HDAC9: variants seen among roughly 807,000 people sequenced by gnomAD.
HDAC9 encodes the protein MEF-2 interacting transcription repressor (MITR) protein.
HDAC9 carries 41 observed loss-of-function variants against 139.4 expected under a neutral mutation model. The observed-to-expected ratio is 0.29, with a 90% CI of 0.23 to 0.38. HDAC9 has a LOEUF of 0.38. HDAC9 is among the 10% of genes least tolerant of loss of function. The pLI is 1.00. For synonymous variants in HDAC9, 517 were observed against 476.2 expected (o/e 1.09, Z -1.12); for missense variants, 1,147 against 1,297.0 (o/e 0.88, Z 1.78).
intron 11 of HDAC9, among the ~76,000 whole-genome samples, chr7:18,661,520 G>A (rs1188993456): frequency 1.3e-5 from 2 of 151,890 alleles, no homozygotes; most frequent in Non-Finnish European, 2.9e-5. Flanking sequence ...AAAAGTTCTA[G>A]GTTTCTACTC....
chr7:18,946,866 T>A (rs2129318952), intron 23 of HDAC9, among the ~76,000 whole-genome samples: 1 of 152,200 alleles, frequency 6.6e-6, no homozygotes, highest in East Asian at 1.9e-4. Flanking sequence ...ATATCATTCT[T>A]TTCAAGGACA....
Position 18,970,932 on chromosome 7 carries a change from T to G in HDAC9, c.3023-4874T>G, listed in dbSNP as rs542168803. Among the ~76,000 whole-genome samples the G allele has an allele frequency of 2.0e-5, 3 of 152,306 alleles. No homozygotes were observed. In the South Asian group the frequency reaches 6.2e-4, roughly 32 times the overall value. Reference sequence around the variant, plus strand: ...AAGGGGTTTGAATTGAGAAAACTTTTGGTAGATAGGTGACTTGTGTAACAC... The same window carrying G: ...AAGGGGTTTGAATTGAGAAAACTTTGGGTAGATAGGTGACTTGTGTAACAC... On this transcript the variant is annotated intron_variant, in intron 24 of 25. Coordinates refer to ENST00000686413, the MANE Select transcript of HDAC9 (RefSeq NM_178425.4).
At chr7:18,856,440 C>A (rs1218918430) in intron 21 of HDAC9, among the ~76,000 whole-genome samples, 1 of 152,128 alleles carries the variant, frequency 6.6e-6, no homozygotes, top group Non-Finnish European at 1.5e-5. Flanking sequence ...TATCTCTCCA[C>A]CACTCATGGC....
At chr7:18,326,915 C>A (rs1027467111) in intron 1 of HDAC9, among the ~76,000 whole-genome samples, 1 of 151,902 alleles carries the variant, frequency 6.6e-6, no homozygotes, top group Non-Finnish European at 1.5e-5. Context: ...TAAACATGAA[C>A]CTTTCCCCTG....
At chr7:18,227,118 A>AT (rs1234800453) in intron 2 of HDAC9, among the ~76,000 whole-genome samples, 1 of 152,218 alleles carries the variant, frequency 6.6e-6, no homozygotes, top group Admixed American at 6.5e-5. Flanking sequence ...GTGCATACAC[A>AT]TAAGTCTTTC....
intron 1 of HDAC9, among the ~76,000 whole-genome samples, chr7:18,476,266 C>A (rs1795104654): frequency 6.6e-6 from 1 of 152,202 alleles, no homozygotes; most frequent in Middle Eastern, 3.4e-3. Context: ...AAATTCACAT[C>A]AGTAATGCCC....
intron 17 of HDAC9, among the ~76,000 whole-genome samples, chr7:18,826,736 A>T (rs976222967): frequency 6.6e-6 from 1 of 151,014 alleles, no homozygotes; most frequent in South Asian, 2.1e-4. Flanking sequence ...CTTAACATGA[A>T]CTCTAGAGTC....
chr7:18,780,463 C>T (rs1791152377), intron 16 of HDAC9, among the ~76,000 whole-genome samples: 1 of 151,982 alleles, frequency 6.6e-6, no homozygotes, highest in Non-Finnish European at 1.5e-5. Context: ...TGATGCATGA[C>T]AACAGAGATC....
chr7:18,950,690 A>G lies in HDAC9; in HGVS notation c.2938-3456A>G, dbSNP rs112340391. Among the ~76,000 whole-genome samples the G allele has an allele frequency of 4.6e-5, 7 of 152,124 alleles. 1 individual carries two copies. Among genetic ancestry groups the G allele is most frequent in the African/African-American group, 1.7e-4 (7 of 41,560 alleles). ...GAATATTTGTGGGGGAAAGGGCCAT[A>G]GGAGGGGAAGAAATTTGCTCTAGTG... On this transcript the variant is annotated intron_variant, in intron 23 of 25. Coordinates refer to ENST00000686413, the MANE Select transcript of HDAC9 (RefSeq NM_178425.4).
At chr7:18,386,654 T>C (rs1464295849) in intron 1 of HDAC9, among the ~76,000 whole-genome samples, 1 of 152,194 alleles carries the variant, frequency 6.6e-6, no homozygotes, top group Non-Finnish European at 1.5e-5. Context: ...CAGTCCCTTT[T>C]GTGCAGCCTA....
chr7:18,416,178 C>G (rs1789042111), intron 1 of HDAC9, among the ~76,000 whole-genome samples: 1 of 151,984 alleles, frequency 6.6e-6, no homozygotes, highest in Non-Finnish European at 1.5e-5. Context: ...TGCCTGTAAT[C>G]CCAGCTACTC....
chr7:18,361,967 G>C (rs1448868583), intron 1 of HDAC9, among the ~76,000 whole-genome samples: 1 of 152,216 alleles, frequency 6.6e-6, no homozygotes, highest in East Asian at 1.9e-4. Flanking sequence ...GGAATTTCTT[G>C]GTTCAAGGAC....
intron 12 of HDAC9, among the ~76,000 whole-genome samples, chr7:18,700,682 A>G (rs975454541): frequency 1.1e-4 from 17 of 152,192 alleles, no homozygotes; most frequent in African/African-American, 4.1e-4. Context: ...CTACTCTGCT[A>G]GGTCTAGGCT....
At chr7:18,094,974 C>T (rs946101130) in intron 1 of HDAC9, among the ~76,000 whole-genome samples, 2 of 152,206 alleles carry the variant, frequency 1.3e-5, no homozygotes, top group Non-Finnish European at 1.5e-5. Context: ...TCTTAAGTCT[C>T]GTTCTATAGC....
Position 18,935,790 on chromosome 7 carries a change from TC to T in HDAC9, c.2804-18del. Reference sequence around the variant, plus strand: ...CTCTTGATTTAATACTTTGAAATGTTCTGTTTGTATTATGGTAGGTTTTGGT... The same window carrying T: ...CTCTTGATTTAATACTTTGAAATGTTTGTTTGTATTATGGTAGGTTTTGGT... On this transcript the variant is annotated intron_variant, in intron 22 of 25. Coordinates refer to ENST00000686413, the MANE Select transcript of HDAC9 (RefSeq NM_178425.4). 6.2e-7 allele frequency: 1 copy of T among 1,608,246 alleles called. No homozygotes were observed. Among genetic ancestry groups the T allele is most frequent in the South Asian group, 1.1e-5 (1 of 90,620 alleles).
chr7:18,591,083 T>G (rs893535796), intron 4 of HDAC9, among the ~76,000 whole-genome samples: 1 of 152,164 alleles, frequency 6.6e-6, no homozygotes, highest in Non-Finnish European at 1.5e-5. Context: ...TTTTAAAAAC[T>G]AAGGTTTTCA....
At chr7:18,493,133 T>C, upstream of HDAC9, among the ~76,000 whole-genome samples, 1 of 152,004 alleles carries the variant, frequency 6.6e-6, no homozygotes, top group East Asian at 1.9e-4. Flanking sequence ...TCTGGAGTTT[T>C]ATTCTATTTT....
intron 24 of HDAC9, among the ~76,000 whole-genome samples, chr7:18,959,038 T>C (rs1179364829): frequency 2.0e-5 from 3 of 152,156 alleles, no homozygotes; most frequent in African/African-American, 7.2e-5. Context: ...AACTCTCATA[T>C]GGATGTTTCC....
chr7:18,533,658 T>C (rs1734524420), intron 2 of HDAC9, among the ~76,000 whole-genome samples: 1 of 152,174 alleles, frequency 6.6e-6, no homozygotes, highest in Non-Finnish European at 1.5e-5. Context: ...TTATTCATTT[T>C]CTCGGTTATT....
Sources: allele counts gnomAD v4.1 joint callset (sites outside exome capture counted in the v4.1 genomes callset), GRCh38; gene constraint gnomAD v4.1.1; transcripts MANE v1.5; gene names NCBI Gene and HGNC (gene_info 2026-07-23, HGNC 2026-07-21).